GALNTL6: variants seen among roughly 807,000 people sequenced by gnomAD.
GALNTL6 encodes polypeptide N-acetylgalactosaminyltransferase like 6.
Under a neutral mutation model 73.7 loss-of-function variants are expected in GALNTL6, and 46 were observed. The observed-to-expected ratio is 0.62, with a 90% CI of 0.49 to 0.80. The LOEUF (loss-of-function observed/expected upper bound fraction) is 0.80, where lower values mean the gene tolerates loss of function less well. Among genes scored for constraint, GALNTL6 ranks in the 30% least tolerant of loss-of-function variants. The pLI, the probability that GALNTL6 is intolerant of heterozygous loss-of-function variation, is 0.00. For missense variants in GALNTL6, 604 were observed against 755.0 expected, an observed-to-expected ratio of 0.80 and a Z score of 2.34; for synonymous variants, 259 against 263.7, an observed-to-expected ratio of 0.98 and a Z score of 0.17.
intron 2 of GALNTL6, among the ~76,000 whole-genome samples, chr4:172,143,012 G>C (rs896046242): frequency 6.6e-6 from 1 of 151,934 alleles, no homozygotes; most frequent in African/African-American, 2.4e-5. Flanking sequence ...TAGATAGATA[G>C]ATAGACAGAT....
At chr4:172,720,459 G>GTTAT (rs1438050786) in intron 5 of GALNTL6, among the ~76,000 whole-genome samples, 1 of 152,130 alleles carries the variant, frequency 6.6e-6, no homozygotes, top group African/African-American at 2.4e-5. Flanking sequence ...GGGCAAGCTA[G>GTTAT]TTAGTTTCTC....
chr4:172,699,044 GA>G (rs1320673109), intron 5 of GALNTL6, among the ~76,000 whole-genome samples: 1 of 152,158 alleles, frequency 6.6e-6, no homozygotes, highest in Non-Finnish European at 1.5e-5. Context: ...TCGGTGTTTA[GA>G]GAAAGCCTGC....
At chr4:172,320,220 C>G (rs1051483962) in intron 4 of GALNTL6, among the ~76,000 whole-genome samples, 15 of 151,920 alleles carry the variant, frequency 9.9e-5, no homozygotes, top group African/African-American at 3.6e-4. Flanking sequence ...TGTACTTTGC[C>G]CAGTTTGTGA....
intron 2 of GALNTL6, among the ~76,000 whole-genome samples, chr4:172,084,780 C>A (rs1441477131): frequency 6.6e-6 from 1 of 151,980 alleles, no homozygotes; most frequent in Non-Finnish European, 1.5e-5. Flanking sequence ...TATAATGAGT[C>A]ATATACAGGT....
intron 12 of GALNTL6, among the ~76,000 whole-genome samples, chr4:173,031,847 A>C (rs1439936834): frequency 6.6e-6 from 1 of 152,206 alleles, no homozygotes; most frequent in African/African-American, 2.4e-5. Flanking sequence ...TACTACTTAA[A>C]GGAAGTGTAC....
chr4:172,292,507 G>A (rs1005293813), intron 3 of GALNTL6, among the ~76,000 whole-genome samples: 3 of 152,122 alleles, frequency 2.0e-5, no homozygotes, highest in African/African-American at 7.2e-5. Flanking sequence ...GAAAGATTCA[G>A]ACAAGGAGAA....
At chr4:172,267,942 T>A (rs965932960) in intron 3 of GALNTL6, among the ~76,000 whole-genome samples, 1 of 152,180 alleles carries the variant, frequency 6.6e-6, no homozygotes, top group African/African-American at 2.4e-5. Flanking sequence ...CTTTTCTGTT[T>A]CTGTAATTAT....
intron 5 of GALNTL6, among the ~76,000 whole-genome samples, chr4:172,376,683 G>T (rs536554281): frequency 6.6e-6 from 1 of 152,096 alleles, no homozygotes; most frequent in African/African-American, 2.4e-5. Context: ...ACCGCTTGGC[G>T]ATAGGTGATG....
intron 7 of GALNTL6, among the ~76,000 whole-genome samples, chr4:172,876,668 C>A (rs1299719573): frequency 6.6e-6 from 1 of 152,014 alleles, no homozygotes; most frequent in Non-Finnish European, 1.5e-5. Context: ...CCTCGTGACA[C>A]CATAAAAAGT....
intron 8 of GALNTL6, among the ~76,000 whole-genome samples, chr4:172,924,984 G>T (rs550470834): frequency 6.6e-6 from 1 of 152,050 alleles, no homozygotes; most frequent in Non-Finnish European, 1.5e-5. Flanking sequence ...CCATTCTCCT[G>T]CCTCAGCCTC....
intron 5 of GALNTL6, among the ~76,000 whole-genome samples, chr4:172,356,764 A>G (rs1167595134): frequency 6.6e-6 from 1 of 152,200 alleles, no homozygotes; most frequent in Non-Finnish European, 1.5e-5. Flanking sequence ...ACTGATAAAG[A>G]TGAAGTCCTA....
chr4:172,922,171 C>G (rs1413838418), intron 8 of GALNTL6, among the ~76,000 whole-genome samples: 2 of 152,130 alleles, frequency 1.3e-5, no homozygotes, highest in Non-Finnish European at 2.9e-5. Flanking sequence ...TAAGAACTGC[C>G]TTTCACCTCC....
At chr4:172,851,494 G>T (rs1743818871) in intron 7 of GALNTL6, among the ~76,000 whole-genome samples, 1 of 151,332 alleles carries the variant, frequency 6.6e-6, no homozygotes, top group African/African-American at 2.4e-5. Flanking sequence ...CACAATATAT[G>T]ACTACTGTCA....
At chr4:172,651,526 A>C (rs1055102504) in intron 5 of GALNTL6, among the ~76,000 whole-genome samples, 4 of 152,250 alleles carry the variant, frequency 2.6e-5, no homozygotes, top group African/African-American at 9.6e-5. Flanking sequence ...TAGTAAATGC[A>C]TAAAAGGAAT....
chr4:172,692,775 T>C (rs1257300883), intron 5 of GALNTL6, among the ~76,000 whole-genome samples: 2 of 152,168 alleles, frequency 1.3e-5, no homozygotes, highest in African/African-American at 2.4e-5. Flanking sequence ...GAATACATCC[T>C]GTGGTGGAAG....
chr4:171,820,185 C>T (rs182964719), intron 2 of GALNTL6, among the ~76,000 whole-genome samples: 3 of 152,248 alleles, frequency 2.0e-5, no homozygotes, highest in African/African-American at 7.2e-5. Flanking sequence ...GACAAGCATT[C>T]ACAAAACTTC....
Position 172,511,729 on chromosome 4 carries a change from CAT to C in GALNTL6, c.553+163041_553+163042del, listed in dbSNP as rs1734446406. Among the ~76,000 whole-genome samples, 2 of 55,284 alleles carry C rather than the reference CAT, an allele frequency of 3.6e-5. 1 individual carries two copies. The highest frequency in any genetic ancestry group is 9.0e-5 in the African/African-American group (2 of 22,226). 36.3% of individuals were successfully genotyped at this position (55,284 alleles called of 152,430 possible). A position where few individuals can be genotyped will look rare whatever the true frequency, so the allele number is the denominator to read the frequency against. ...ATTCTGGAGCAGATTATTTAATTTT[CAT>C]GGACTTGCATGGTTTTGAGGATTCC... On this transcript the variant is annotated intron_variant, in intron 5 of 12. Transcript: ENST00000506823.
intron 2 of GALNTL6, among the ~76,000 whole-genome samples, chr4:171,974,168 C>CT (rs111978277): frequency 0.04 from 5,892 of 148,602 alleles, 314 homozygotes; most frequent in African/African-American, 0.12. Context: ...CCCAGCTAAC[C>CT]TTTTTTTTTT....
intron 2 of GALNTL6, among the ~76,000 whole-genome samples, chr4:172,084,907 A>T (rs1489499877): frequency 6.6e-6 from 1 of 152,234 alleles, no homozygotes; most frequent in Non-Finnish European, 1.5e-5. Flanking sequence ...ATTATTTACT[A>T]AAGTACTTCC....
Sources: gnomAD v4.1 joint callset for allele counts (sites outside exome capture counted in the v4.1 genomes callset) on GRCh38, gnomAD v4.1.1 for gene constraint, MANE v1.5 for transcripts, NCBI Gene and HGNC (gene_info 2026-07-23, HGNC 2026-07-21) for gene names.